The following AGBL4 variants were observed in gnomAD, a reference collection of about 807,000 sequenced individuals.
AGBL4 encodes the protein AGBL carboxypeptidase 4.
Under a neutral mutation model 66.4 loss-of-function variants are expected in AGBL4, and 58 were observed. The ratio of observed to expected loss-of-function variants is 0.87; its 90% CI spans 0.71 to 1.09. The LOEUF (loss-of-function observed/expected upper bound fraction) is 1.09, where lower values mean the gene tolerates loss of function less well. Among genes scored for constraint, AGBL4 ranks in the 50% least tolerant of loss-of-function variants. The probability of loss-of-function intolerance (pLI) is 0.00; values close to 1 mark genes in which losing one functional copy is unlikely to be tolerated. For synonymous variants in AGBL4, 234 were observed against 222.9 expected, an observed-to-expected ratio of 1.05 and a Z score of -0.44; for missense variants, 579 against 631.0, an observed-to-expected ratio of 0.92 and a Z score of 0.88.
Position 48,590,860 on chromosome 1 carries a change from G to A in AGBL4, c.1077C>T (p.Leu359=), listed in dbSNP as rs1390419573. The A allele has an allele frequency of 2.5e-6, 4 of 1,604,358 alleles. No individual in the cohort carries two copies. The highest frequency in any genetic ancestry group is 3.4e-5 in the Admixed American group (2 of 58,952). The change falls in exon 10 of 14, where the codon CTC becomes CTT. Residue 359 remains leucine (L), a synonymous_variant. Transcript: ENST00000371839. The part of the protein sequence containing the change: ...FQRQAIFPKL[L]CQNAEDFSYS... ...AGGAGAAGTCCTCAGCATTCTGGCA[G>A]AGGAGCTTGGGAAAAATGGCCTGCC...
intron 11 of AGBL4, among the ~76,000 whole-genome samples, chr1:48,546,898 CAT>C (rs1491254457): frequency 3.3e-4 from 50 of 150,940 alleles, no homozygotes; most frequent in Admixed American, 1.3e-3. Context: ...CACACACACA[CAT>C]ACATAATAGC....
chr1:49,460,012 G>A (rs1646476518), intron 3 of AGBL4, among the ~76,000 whole-genome samples: 1 of 151,640 alleles, frequency 6.6e-6, no homozygotes, highest in African/African-American at 2.4e-5. Flanking sequence ...TAAATTTACT[G>A]AGACTTGTTT....
chr1:49,508,293 A>C (rs540944135), intron 3 of AGBL4, among the ~76,000 whole-genome samples: 1 of 148,750 alleles, frequency 6.7e-6, no homozygotes, highest in Non-Finnish European at 1.5e-5. Flanking sequence ...TGAAAAGTTA[A>C]AAGTTCCAGA....
intron 3 of AGBL4, among the ~76,000 whole-genome samples, chr1:49,536,229 AAGAGTTGTGGTG>A (rs1406228006): frequency 1.1e-4 from 16 of 152,176 alleles, no homozygotes; most frequent in Non-Finnish European, 2.9e-5. Flanking sequence ...GCAAAATGGA[AAGAGTTGTGGTG>A]ATGTCTTAAC....
chr1:49,818,494 A>G (rs1645287431), intron 2 of AGBL4, among the ~76,000 whole-genome samples: 1 of 151,446 alleles, frequency 6.6e-6, no homozygotes, highest in Admixed American at 6.6e-5. Context: ...GCTCCCAAGT[A>G]GCTGGAATTA....
At chr1:49,134,457 G>GAGC (rs1350521186) in intron 4 of AGBL4, among the ~76,000 whole-genome samples, 15 of 145,002 alleles carry the variant, frequency 1.0e-4, no homozygotes, top group African/African-American at 3.8e-4. Context: ...GACACTCCCA[G>GAGC]AGCAGCCATT....
At chr1:49,399,944 C>T (rs1645049144) in intron 3 of AGBL4, among the ~76,000 whole-genome samples, 1 of 151,780 alleles carries the variant, frequency 6.6e-6, no homozygotes, top group African/African-American at 2.4e-5. Flanking sequence ...GAGAGTTTAC[C>T]CGATTTTTTC....
At chr1:49,344,328 A>T (rs1344789256) in intron 3 of AGBL4, among the ~76,000 whole-genome samples, 1 of 152,202 alleles carries the variant, frequency 6.6e-6, no homozygotes, top group Non-Finnish European at 1.5e-5. Context: ...AGAAAAAAAA[A>T]AGACTACTGG....
intron 2 of AGBL4, among the ~76,000 whole-genome samples, chr1:49,805,553 AAC>A (rs1250442307): frequency 1.3e-5 from 2 of 152,298 alleles, no homozygotes; most frequent in Non-Finnish European, 2.9e-5. Flanking sequence ...AATAGCAATA[AAC>A]AAGATACAGA....
At chr1:49,656,258 G>C (rs1034593246) in intron 3 of AGBL4, among the ~76,000 whole-genome samples, 1 of 152,028 alleles carries the variant, frequency 6.6e-6, no homozygotes, top group Non-Finnish European at 1.5e-5. Flanking sequence ...AAATCTAGAA[G>C]AAATGGATAA....
At chr1:48,545,260 T>C (rs561336657) in intron 11 of AGBL4, among the ~76,000 whole-genome samples, 1 of 152,296 alleles carries the variant, frequency 6.6e-6, no homozygotes, top group Admixed American at 6.5e-5. Flanking sequence ...GTTGATCATT[T>C]TGGACAGGAT....
chr1:49,406,017 C>T (rs1645189317), intron 3 of AGBL4, among the ~76,000 whole-genome samples: 2 of 152,196 alleles, frequency 1.3e-5, no homozygotes, highest in African/African-American at 2.4e-5. Flanking sequence ...AACCACTATC[C>T]TTCAATTCTA....
intron 6 of AGBL4, among the ~76,000 whole-genome samples, chr1:48,664,555 A>G (rs1347597403): frequency 2.6e-5 from 4 of 152,210 alleles, no homozygotes; most frequent in African/African-American, 9.7e-5. Flanking sequence ...TACAAAGCCC[A>G]ACTCTCTTTA....
chr1:48,634,634 T>A (rs750094403), intron 8 of AGBL4, 30 bp from the exon 9 acceptor site: 5 of 1,504,010 alleles, frequency 3.3e-6, no homozygotes, highest in Non-Finnish European at 4.5e-6. Context: ...AGAGTCAATA[T>A]AGACAGGATA....
intron 6 of AGBL4, among the ~76,000 whole-genome samples, chr1:48,773,484 G>A (rs746518951): frequency 1.2e-4 from 19 of 152,236 alleles, no homozygotes; most frequent in Non-Finnish European, 2.5e-4. Flanking sequence ...AGAGATAGGC[G>A]GGTGGGGGAC....
chr1:48,981,408 T>C lies in AGBL4; in HGVS notation c.594+64176A>G, dbSNP rs150456798. Among the ~76,000 whole-genome samples the C allele has an allele frequency of 3.1e-3, 476 of 152,278 alleles. 2 individuals carry two copies. The highest frequency in any genetic ancestry group is 5.0e-3 in the Non-Finnish European group (338 of 68,024). On this transcript the variant is annotated intron_variant, in intron 5 of 13. Transcript: ENST00000371839. Reference sequence around the variant, plus strand: ...TGAGATAGGTTTGTCATTATCCTCATTTCTCCAATTTATCCTCATTATGTA... The same window carrying C: ...TGAGATAGGTTTGTCATTATCCTCACTTCTCCAATTTATCCTCATTATGTA...
intron 1 of AGBL4, among the ~76,000 whole-genome samples, chr1:49,934,374 T>A (rs1219890571): frequency 6.6e-6 from 1 of 152,162 alleles, no homozygotes; most frequent in Non-Finnish European, 1.5e-5. Flanking sequence ...ACATTCTCTA[T>A]AAGTAGTCAT....
chr1:48,653,199 G>T, intron 8 of AGBL4, 138 bp downstream of exon 8: 1 of 642,852 alleles, frequency 1.6e-6, no homozygotes, highest in Non-Finnish European at 2.6e-6. Context: ...ATTCTCAAGA[G>T]CCAGGGTGAA....
intron 3 of AGBL4, among the ~76,000 whole-genome samples, chr1:49,576,050 T>C (rs954435375): frequency 6.6e-6 from 1 of 152,218 alleles, no homozygotes; most frequent in Non-Finnish European, 1.5e-5. Context: ...AGGGACCTTC[T>C]ACCTCAGTAA....
Sources: allele counts gnomAD v4.1 joint callset (sites outside exome capture counted in the v4.1 genomes callset), GRCh38; gene constraint gnomAD v4.1.1; transcripts MANE v1.5; gene names NCBI Gene and HGNC (gene_info 2026-07-23, HGNC 2026-07-21).